Variants in SVIL observed in about 807,000 individuals in gnomAD.
The protein encoded by SVIL is supervillin.
A neutral mutation model predicts 240.4 loss-of-function variants in SVIL; 101 were observed. That is an observed-to-expected ratio of 0.42 (90% CI 0.36 to 0.50). SVIL has a LOEUF of 0.50. SVIL is among the 20% of genes least tolerant of loss of function. The probability of loss-of-function intolerance (pLI) is 0.01; values close to 1 mark genes in which losing one functional copy is unlikely to be tolerated. For synonymous variants in SVIL, 999 were observed against 1,100.0 expected (o/e 0.91, Z 1.82); for missense variants, 2,512 against 2,818.7 (o/e 0.89, Z 2.46).
intron 2 of SVIL, among the ~76,000 whole-genome samples, chr10:29,669,388 G>C (rs1280403709): frequency 6.6e-6 from 1 of 152,222 alleles, no homozygotes; most frequent in East Asian, 1.9e-4. Context: ...CCAGCAGGAA[G>C]TGCTGTTCAG....
chr10:29,615,972 T>C (rs980795413), intron 1 of SVIL, among the ~76,000 whole-genome samples: 1 of 152,232 alleles, frequency 6.6e-6, no homozygotes, highest in Non-Finnish European at 1.5e-5. Context: ...TGCAATGACA[T>C]GGCATGATAC....
rs1160939237 is a variant in SVIL, at chr10:29,554,795, T to C, written c.148A>G (p.Ser50Gly). ...PRYMRASDPA[S>G]PHIGRSNEEE... is the part of the protein sequence containing the mutation. ...GCTCCACGCTCACCGATGTGGGGGC[T>C]GGCAGGGTCGCTGGCTCTCATGTAT... is the stretch of plus-strand genomic sequence containing the variant. Residue 50 changes from serine (S) to glycine (G), a missense_variant, in exon 5 of 38, where the codon AGC becomes GGC. Ser to Gly is a moderately conservative substitution (Grantham distance 56). Transcript: ENST00000355867. The C allele has an allele frequency of 6.2e-7, 1 of 1,602,516 alleles. No homozygotes were observed. Among genetic ancestry groups the C allele is most frequent in the Non-Finnish European group, 8.5e-7 (1 of 1,174,934 alleles).
chr10:29,723,124 C>A (rs1368085691), intron 1 of SVIL, among the ~76,000 whole-genome samples: 1 of 152,230 alleles, frequency 6.6e-6, no homozygotes, highest in Non-Finnish European at 1.5e-5. Flanking sequence ...AATCTCAACA[C>A]TTTGAAAGGC....
intron 6 of SVIL, among the ~76,000 whole-genome samples, chr10:29,542,401 T>TA (rs1375504972): frequency 6.6e-6 from 1 of 152,180 alleles, no homozygotes; most frequent in African/African-American, 2.4e-5. Context: ...TTACCAGACT[T>TA]ACAGAAGAGC....
intron 2 of SVIL, among the ~76,000 whole-genome samples, chr10:29,565,294 C>T (rs1283047571): frequency 2.6e-5 from 4 of 152,172 alleles, no homozygotes; most frequent in South Asian, 2.1e-4. Context: ...GTGAGCTTTA[C>T]GAGTCATCAC....
In SVIL at chr10:29,480,827, C is replaced by G. The variant is rs1160364920; in HGVS notation, c.5101-14G>C. The G allele has an allele frequency of 1.9e-6, 3 of 1,594,574 alleles. No homozygotes were observed. The Admixed American group carries it at 5.0e-5, about 27-fold the overall frequency. ...CCTGGGGTCTTCCTACAGGGGAACACAAAGACATCAGTTCAGTTGCCTGTT... is the reference window on the plus strand; with the variant it reads ...CCTGGGGTCTTCCTACAGGGGAACAGAAAGACATCAGTTCAGTTGCCTGTT... On this transcript the variant is annotated splice_polypyrimidine_tract_variant and intron_variant, in intron 28 of 37. Coordinates refer to ENST00000355867, the MANE Select transcript of SVIL (RefSeq NM_021738.3).
intron 12 of SVIL, among the ~76,000 whole-genome samples, chr10:29,527,319 C>T (rs1337659962): frequency 6.6e-6 from 1 of 152,066 alleles, no homozygotes; most frequent in Non-Finnish European, 1.5e-5. Context: ...CTTGAGAATA[C>T]ATGTCTTGGT....
chr10:29,482,823 A>G (rs1947035545), intron 27 of SVIL: 1 of 152,334 alleles, frequency 6.6e-6, no homozygotes, highest in Non-Finnish European at 1.5e-5. Context: ...ACGATCTCTC[A>G]TCCCTCCAGA....
At chr10:29,582,713 CAG>C (rs897984956) in intron 1 of SVIL, among the ~76,000 whole-genome samples, 86 of 149,702 alleles carry the variant, frequency 5.7e-4, no homozygotes, top group African/African-American at 2.1e-3. Context: ...GCCTGGGTGA[CAG>C]AGTGAGACCC....
At chr10:29,524,241 C>G (rs959893345) in intron 14 of SVIL, among the ~76,000 whole-genome samples, 1 of 151,980 alleles carries the variant, frequency 6.6e-6, no homozygotes, top group African/African-American at 2.4e-5. Context: ...TTTTTTCTCT[C>G]CAAAATGGAC....
chr10:29,699,540 A>G (rs1477865226), intron 1 of SVIL, among the ~76,000 whole-genome samples: 1 of 152,092 alleles, frequency 6.6e-6, no homozygotes, highest in Non-Finnish European at 1.5e-5. Context: ...CTGACCTCAG[A>G]TGATCCACCC....
At chr10:29,535,437 C>A (rs1951675583) in intron 7 of SVIL, among the ~76,000 whole-genome samples, 1 of 152,212 alleles carries the variant, frequency 6.6e-6, no homozygotes, top group South Asian at 2.1e-4. Flanking sequence ...CCATGACTTA[C>A]TCATTCTGAC....
chr10:29,691,778 A>G (rs1961528221), intron 1 of SVIL, among the ~76,000 whole-genome samples: 1 of 152,174 alleles, frequency 6.6e-6, no homozygotes, highest in African/African-American at 2.4e-5. Flanking sequence ...GATGCTGGAG[A>G]GCAAAGATTA....
chr10:29,459,537 C>T lies in SVIL; in HGVS notation c.6403-948G>A, dbSNP rs1001129475. 3.9e-5 allele frequency among the ~76,000 whole-genome samples: 6 copies of T among 152,276 alleles called. No individual in the cohort carries two copies. In the South Asian group the frequency reaches 8.3e-4, roughly 21 times the overall value. ...TGAAAAGAAATCACACCCCCCTTCCCTCCCCTGGCCCCATTTCTTAATCTG... is the reference window on the plus strand; with the variant it reads ...TGAAAAGAAATCACACCCCCCTTCCTTCCCCTGGCCCCATTTCTTAATCTG... On this transcript the variant is annotated intron_variant, in intron 36 of 37. Transcript: ENST00000355867.
In SVIL at chr10:29,463,481, G is replaced by C. The variant is rs368198965; in HGVS notation, c.6277+11C>G. On this transcript the variant is annotated intron_variant, in intron 35 of 37. Transcript: ENST00000355867. ...TGTTCCGTGCTGCAGGCATGTTAGA[G>C]GGAGCCTCACCTTTGCAGTACTGGA... 35 of 1,612,724 alleles carry C rather than the reference G, an allele frequency of 2.2e-5. No homozygotes were observed. In the African/African-American group the frequency reaches 2.5e-4, roughly 12 times the overall value.
chr10:29,641,838 C>T lies in SVIL; in HGVS notation c.-201+16131G>A, dbSNP rs144997417. 1.7e-3 allele frequency among the ~76,000 whole-genome samples: 257 copies of T among 152,286 alleles called. 2 individuals carry two copies. Among genetic ancestry groups the T allele is most frequent in the Middle Eastern group, 0.014 (4 of 294 alleles). ...TGTGATGCCTTAGCTTCATTACCAG[C>T]ACCACATTTAGATAAACCCAGGAGG... On this transcript the variant is annotated intron_variant, in intron 3 of 35. Transcript: ENST00000375400.
At chr10:29,490,332 C>T (rs1465236219) in intron 22 of SVIL, among the ~76,000 whole-genome samples, 4 of 152,066 alleles carry the variant, frequency 2.6e-5, no homozygotes, top group African/African-American at 9.7e-5. Flanking sequence ...AGAGATCAAA[C>T]GACTAATAAG....
intron 2 of SVIL, among the ~76,000 whole-genome samples, chr10:29,665,227 C>CAAAAAAAAAAAAAAAA (rs58164251): frequency 1.5e-5 from 1 of 67,408 alleles, no homozygotes; most frequent in African/African-American, 6.2e-5. Context: ...GATCTTGTCT[C>CAAAAAAAAAAAAAAAA]AAAAAAAAAA....
intron 18 of SVIL, among the ~76,000 whole-genome samples, chr10:29,496,688 CT>C (rs1339221899): frequency 6.6e-6 from 1 of 152,236 alleles, no homozygotes; most frequent in Non-Finnish European, 1.5e-5. Context: ...AAACAAAGAT[CT>C]CCCCCATAGC....
Sources: gnomAD v4.1 joint callset for allele counts (sites outside exome capture counted in the v4.1 genomes callset) on GRCh38, gnomAD v4.1.1 for gene constraint, MANE v1.5 for transcripts, NCBI Gene and HGNC (gene_info 2026-07-23, HGNC 2026-07-21) for gene names.